CDC37L1: variants seen among roughly 807,000 people sequenced by gnomAD.
CDC37L1 encodes cell division cycle 37 like 1, HSP90 cochaperone.
A neutral mutation model predicts 45.9 loss-of-function variants in CDC37L1; 32 were observed. The ratio of observed to expected loss-of-function variants is 0.70; its 90% CI spans 0.53 to 0.94. The LOEUF is 0.94. Ranked by LOEUF, CDC37L1 falls within the 40% of genes least tolerant of loss-of-function variation. CDC37L1 has a pLI of 0.00. For synonymous variants in CDC37L1, 150 were observed against 133.0 expected, an observed-to-expected ratio of 1.13 and a Z score of -0.88; for missense variants, 434 against 405.7, an observed-to-expected ratio of 1.07 and a Z score of -0.60.
chr9:4,692,751 C>G (rs1433106399), intron 3 of CDC37L1, among the ~76,000 whole-genome samples: 1 of 151,834 alleles, frequency 6.6e-6, no homozygotes, highest in South Asian at 2.1e-4. Context: ...AGCGTTTATC[C>G]TAAGAATCAA....
At chr9:4,684,615 G>A (rs778647522) in intron 1 of CDC37L1, among the ~76,000 whole-genome samples, 44 of 152,296 alleles carry the variant, frequency 2.9e-4, no homozygotes, top group Non-Finnish European at 5.4e-4. Flanking sequence ...TTAAGCACTA[G>A]CTTTATGCAA....
intron 3 of CDC37L1, among the ~76,000 whole-genome samples, chr9:4,695,892 G>A (rs1841343374): frequency 1.3e-5 from 2 of 152,182 alleles, no homozygotes; most frequent in South Asian, 4.1e-4. Context: ...CTGGGTTCAA[G>A]TGATTCTTGT....
intron 3 of CDC37L1, among the ~76,000 whole-genome samples, chr9:4,692,245 T>C (rs1016671850): frequency 6.6e-6 from 1 of 151,964 alleles, no homozygotes; most frequent in African/African-American, 2.4e-5. Flanking sequence ...TGAAGTGAAA[T>C]GAATAGAAAA....
In CDC37L1 at chr9:4,679,619, G is replaced by A. The variant is rs957954966; in HGVS notation, c.-149G>A. 1.5e-6 allele frequency: 1 copy of A among 658,448 alleles called. No homozygotes were observed. The highest frequency in any genetic ancestry group is 1.9e-5 in the African/African-American group (1 of 53,478). 40.8% of individuals were successfully genotyped at this position (658,448 alleles called of 1,614,324 possible). A position where few individuals can be genotyped will look rare whatever the true frequency, so the allele number is the denominator to read the frequency against. On this transcript the variant is annotated 5_prime_UTR_variant, in exon 1 of 7. Transcript: ENST00000381854. ...CCCAGGCTGTCGCCGGGTGTGCAGC[G>A]GCGTCGCGGCCAGTAGAGGGATTCT...
chr9:4,700,479 A>G (rs1431015337), intron 5 of CDC37L1, among the ~76,000 whole-genome samples: 1 of 152,228 alleles, frequency 6.6e-6, no homozygotes, highest in Non-Finnish European at 1.5e-5. Context: ...ACTTAAGAGT[A>G]GTAAAAAACA....
intron 1 of CDC37L1, among the ~76,000 whole-genome samples, chr9:4,682,813 A>G (rs1191325093): frequency 6.6e-6 from 1 of 151,860 alleles, no homozygotes; most frequent in East Asian, 1.9e-4. Flanking sequence ...ATCTTTTCTT[A>G]CAAAATAAGT....
intron 6 of CDC37L1, among the ~76,000 whole-genome samples, chr9:4,704,543 T>G (rs1019903798): frequency 5.9e-5 from 9 of 152,208 alleles, no homozygotes; most frequent in Non-Finnish European, 1.2e-4. Flanking sequence ...ATTCTGTTAT[T>G]AAAAGTTGTG....
At chr9:4,682,662 G>A (rs913362890) in intron 1 of CDC37L1, among the ~76,000 whole-genome samples, 7 of 151,342 alleles carry the variant, frequency 4.6e-5, no homozygotes, top group Non-Finnish European at 7.4e-5. Flanking sequence ...TAGTAGAAAC[G>A]GGGTTTCGCC....
At chr9:4,684,764 T>C in intron 1 of CDC37L1, 113 bp from the exon 2 acceptor site, 2 of 698,184 alleles carry the variant, frequency 2.9e-6, no homozygotes, top group Non-Finnish European at 2.4e-6. Flanking sequence ...GAACACAGGA[T>C]ATACTATATA....
At chr9:4,700,322 A>AT (rs1462040134) in intron 5 of CDC37L1, among the ~76,000 whole-genome samples, 1 of 152,024 alleles carries the variant, frequency 6.6e-6, no homozygotes, top group Non-Finnish European at 1.5e-5. Context: ...TCCCCAGCTA[A>AT]TTTTTTGTAG....
At chr9:4,699,189 T>C (rs1417360589) in intron 5 of CDC37L1, among the ~76,000 whole-genome samples, 2 of 152,302 alleles carry the variant, frequency 1.3e-5, no homozygotes, top group East Asian at 1.9e-4. Flanking sequence ...TTGTAATAGC[T>C]AAAAGCCTGG....
chr9:4,705,186 A>G (rs924399556), intron 6 of CDC37L1, among the ~76,000 whole-genome samples: 3 of 152,214 alleles, frequency 2.0e-5, no homozygotes, highest in Non-Finnish European at 4.4e-5. Context: ...TGTTTATTAA[A>G]TAAAATAAAT....
chr9:4,686,688 A>G (rs1182462607), intron 2 of CDC37L1, among the ~76,000 whole-genome samples: 1 of 152,238 alleles, frequency 6.6e-6, no homozygotes, highest in Non-Finnish European at 1.5e-5. Context: ...AATTAGGACT[A>G]TCTTTATGTT....
chr9:4,702,989 A>T, intron 6 of CDC37L1: 1 of 1,247,214 alleles, frequency 8.0e-7, no homozygotes, highest in Non-Finnish European at 1.1e-6. Context: ...GCCTGATGCT[A>T]GTTAGGATTA....
chr9:4,695,678 G>T (rs1841341089), intron 3 of CDC37L1, among the ~76,000 whole-genome samples: 1 of 152,028 alleles, frequency 6.6e-6, no homozygotes, highest in African/African-American at 2.4e-5. Context: ...AGCTTTTTCT[G>T]TAGAGACAGG....
At chr9:4,689,275 G>T (rs10125235) in intron 3 of CDC37L1, among the ~76,000 whole-genome samples, 48,072 of 151,514 alleles carry the variant, frequency 0.32, 8,342 homozygotes, top group African/African-American at 0.48. Context: ...GCATGATACC[G>T]CTGGCATGAA....
Position 4,679,763 on chromosome 9 carries a change from C to T in CDC37L1, c.-5C>T. The T allele has an allele frequency of 6.2e-7, 1 of 1,610,108 alleles. No individual in the cohort carries two copies. The highest frequency in any genetic ancestry group is 8.5e-7 in the Non-Finnish European group (1 of 1,177,884). On this transcript the variant is annotated 5_prime_UTR_variant, in exon 1 of 7. Coordinates refer to ENST00000381854, the MANE Select transcript of CDC37L1 (RefSeq NM_017913.4). ...GGGCGGTTGTAGGACCCGGAGCAGC[C>T]GGACATGGAACAACCGTGGCCGCCT...
intron 2 of CDC37L1, among the ~76,000 whole-genome samples, chr9:4,688,230 C>T (rs1225453314): frequency 6.6e-6 from 1 of 152,172 alleles, no homozygotes; most frequent in Non-Finnish European, 1.5e-5. Context: ...GAACTCCTGA[C>T]CTCGTGATCC....
At position 4,697,694 on chromosome 9, in the gene CDC37L1, A is replaced by T. The variant is rs1024018169; in HGVS notation, c.625-63A>T. ...AAGTATTTTAAAAATTCAAAATTTGAATCAGTATGCCAATTAAATATATTT... is the reference window on the plus strand; with the variant it reads ...AAGTATTTTAAAAATTCAAAATTTGTATCAGTATGCCAATTAAATATATTT... On this transcript the variant is annotated intron_variant, in intron 4 of 6. Transcript: ENST00000381854. 4 of 790,998 alleles carry T rather than the reference A, an allele frequency of 5.1e-6. No homozygotes were observed. In the African/African-American group the frequency reaches 7.1e-5, roughly 14 times the overall value. 49.0% of individuals were successfully genotyped at this position (790,998 alleles called of 1,614,324 possible).
Sources: allele counts gnomAD v4.1 joint callset (sites outside exome capture counted in the v4.1 genomes callset), GRCh38; gene constraint gnomAD v4.1.1; transcripts MANE v1.5; gene names NCBI Gene and HGNC (gene_info 2026-07-23, HGNC 2026-07-21).